The following BCL2L11 variants were observed in gnomAD, a reference collection of about 807,000 sequenced individuals.
BCL2L11 encodes BCL2 like 11.
Under a neutral mutation model 20.6 loss-of-function variants are expected in BCL2L11, and 15 were observed. The ratio of observed to expected loss-of-function variants is 0.73; its 90% CI spans 0.49 to 1.12. The LOEUF (loss-of-function observed/expected upper bound fraction) is 1.12, where lower values mean the gene tolerates loss of function less well. Ranked by LOEUF, BCL2L11 falls within the 50% of genes most tolerant of loss-of-function variation. The probability of loss-of-function intolerance (pLI) is 0.00; values close to 1 mark genes in which losing one functional copy is unlikely to be tolerated. For synonymous variants in BCL2L11, 108 were observed against 92.8 expected, an observed-to-expected ratio of 1.16 and a Z score of -0.94; for missense variants, 292 against 260.9, an observed-to-expected ratio of 1.12 and a Z score of -0.82.
At chr2:111,156,192 T>G (rs553843826) in intron 3 of BCL2L11, among the ~76,000 whole-genome samples, 1 of 152,220 alleles carries the variant, frequency 6.6e-6, no homozygotes, top group South Asian at 2.1e-4. Context: ...GAGGTCTTCA[T>G]TAATTGAATG....
Position 111,124,014 on chromosome 2 carries a change from C to G in BCL2L11, c.269C>G (p.Ser90Cys), listed in dbSNP as rs770602406. 2 of 1,614,102 alleles carry G rather than the reference C, an allele frequency of 1.2e-6. No individual in the cohort carries two copies. The highest frequency in any genetic ancestry group is 1.3e-5 in the African/African-American group (1 of 74,946). ...TTTATGAGAAGATCCTCCCTGCTGT[C>G]TCGATCCTCCAGTGGGTATTTCTCT... ...FIFMRRSSLL[S>C]RSSSGYFSFD... Residue 90 changes from serine (S) to cysteine (C), a missense_variant, in exon 2 of 4, where the codon TCT becomes TGT. Coordinates refer to ENST00000393256, the MANE Select transcript of BCL2L11 (RefSeq NM_138621.5).
At chr2:111,134,785 T>G (rs753794032) in intron 2 of BCL2L11, among the ~76,000 whole-genome samples, 2 of 152,252 alleles carry the variant, frequency 1.3e-5, no homozygotes, top group African/African-American at 4.8e-5. Flanking sequence ...TCACGGAAGA[T>G]AGAATTCGCA....
At chr2:111,133,499 A>G (rs937428252) in intron 2 of BCL2L11, among the ~76,000 whole-genome samples, 1 of 152,206 alleles carries the variant, frequency 6.6e-6, no homozygotes, top group African/African-American at 2.4e-5. Flanking sequence ...TAGGTTATTT[A>G]GAAGTGTGTT....
At chr2:111,127,824 A>G (rs1381344364) in intron 2 of BCL2L11, among the ~76,000 whole-genome samples, 1 of 152,120 alleles carries the variant, frequency 6.6e-6, no homozygotes, top group Non-Finnish European at 1.5e-5. Flanking sequence ...CATTATTGAT[A>G]CACACTGGAT....
chr2:111,130,693 G>C (rs2073780032), intron 2 of BCL2L11, among the ~76,000 whole-genome samples: 2 of 152,280 alleles, frequency 1.3e-5, no homozygotes, highest in Middle Eastern at 6.8e-3. Flanking sequence ...CCAATCTTAG[G>C]GGGAAAGCTT....
intron 2 of BCL2L11, among the ~76,000 whole-genome samples, chr2:111,129,721 C>T (rs1010166065): frequency 6.6e-6 from 1 of 152,214 alleles, no homozygotes; most frequent in African/African-American, 2.4e-5. Context: ...AGATGCAGAA[C>T]AACTCCACCA....
chr2:111,130,790 C>T (rs1227461835), intron 2 of BCL2L11, among the ~76,000 whole-genome samples: 2 of 152,088 alleles, frequency 1.3e-5, no homozygotes, highest in African/African-American at 4.8e-5. Flanking sequence ...ACCTGTATTC[C>T]CAGAATGCTG....
At chr2:111,161,372 T>C in intron 3 of BCL2L11, 1 of 1,546,012 alleles carries the variant, frequency 6.5e-7, no homozygotes. Context: ...TTTTTTATAT[T>C]ACCCAGTTTG....
chr2:111,131,057 C>T (rs13385656), intron 2 of BCL2L11, among the ~76,000 whole-genome samples: 2,095 of 152,084 alleles, frequency 0.014, 53 homozygotes, highest in African/African-American at 0.047. Flanking sequence ...AGGGGTCTGT[C>T]GTCTTCTTTT....
intron 2 of BCL2L11, among the ~76,000 whole-genome samples, chr2:111,145,129 G>A (rs1390781165): frequency 6.6e-6 from 1 of 152,190 alleles, no homozygotes; most frequent in African/African-American, 2.4e-5. Flanking sequence ...CAGCGTTCCT[G>A]TGAATTTTAA....
chr2:111,154,855 G>A (rs1314312791), intron 3 of BCL2L11, among the ~76,000 whole-genome samples: 5 of 152,192 alleles, frequency 3.3e-5, no homozygotes, highest in African/African-American at 1.2e-4. Flanking sequence ...GCTGCAATGC[G>A]TTACTGTCAA....
chr2:111,139,434 C>T (rs1329418490), intron 2 of BCL2L11, among the ~76,000 whole-genome samples: 1 of 152,184 alleles, frequency 6.6e-6, no homozygotes, highest in Non-Finnish European at 1.5e-5. Flanking sequence ...TACTTTTTCC[C>T]AAAATAAGGG....
At chr2:111,123,300 C>T (rs1279691099) in intron 1 of BCL2L11, 9 of 985,392 alleles carry the variant, frequency 9.1e-6, no homozygotes, top group Non-Finnish European at 1.1e-5. Flanking sequence ...GGGGCCGGAG[C>T]AGGGAACGCG....
At chr2:111,123,107 C>G in intron 1 of BCL2L11, 2 of 980,082 alleles carry the variant, frequency 2.0e-6, no homozygotes, top group Non-Finnish European at 2.4e-6. Context: ...CAGAGAAGTT[C>G]TGTCTGATTC....
At position 111,150,314 on chromosome 2, in the gene BCL2L11, T is replaced by C. The variant is rs374703028; in HGVS notation, c.498+167T>C. The C allele has an allele frequency of 6.5e-6, 9 of 1,386,680 alleles. No homozygotes were observed. The African/African-American group carries it at 1.2e-4, about 18-fold the overall frequency. 85.9% of individuals were successfully genotyped at this position (1,386,680 alleles called of 1,614,324 possible). On this transcript the variant is annotated intron_variant, in intron 3 of 3. Transcript: ENST00000393256. ...TCTCCTTTCCCATTTTTCATTTGTT[T>C]TATGACTAAGTAATGGCACTTAAAT...
chr2:111,134,085 A>G (rs753456500), intron 2 of BCL2L11, among the ~76,000 whole-genome samples: 25 of 151,806 alleles, frequency 1.6e-4, no homozygotes, highest in Non-Finnish European at 3.1e-4. Flanking sequence ...TTTTTTATAT[A>G]TGGCATGTCT....
At chr2:111,128,782 C>T in intron 2 of BCL2L11, 3 of 1,533,380 alleles carry the variant, frequency 2.0e-6, no homozygotes, top group Non-Finnish European at 2.6e-6. Context: ...CACCTCTCTC[C>T]CTCTTCCTTG....
chr2:111,162,208 G>A (rs891791669), intron 3 of BCL2L11, among the ~76,000 whole-genome samples: 1 of 152,168 alleles, frequency 6.6e-6, no homozygotes, highest in East Asian at 1.9e-4. Context: ...CTTTGAATCC[G>A]TGGTAATGGC....
intron 2 of BCL2L11, chr2:111,142,504 T>A: frequency 2.5e-6 from 2 of 807,432 alleles, no homozygotes; most frequent in South Asian, 1.6e-5. Context: ...TTATCAATAA[T>A]CATATCTGTG....
Sources: allele counts gnomAD v4.1 joint callset (sites outside exome capture counted in the v4.1 genomes callset), GRCh38; gene constraint gnomAD v4.1.1; transcripts MANE v1.5; gene names NCBI Gene and HGNC (gene_info 2026-07-23, HGNC 2026-07-21).